Variants in C6 observed in about 807,000 individuals in gnomAD.
The protein encoded by C6 is complement component C6.
A neutral mutation model predicts 112.9 loss-of-function variants in C6; 101 were observed. The ratio of observed to expected loss-of-function variants is 0.89; its 90% confidence interval spans 0.76 to 1.06. The LOEUF is 1.06. C6 is among the 50% of genes least tolerant of loss of function. The pLI, the probability that C6 is intolerant of heterozygous loss-of-function variation, is 0.00. For missense variants in C6, 1,202 were observed against 1,104.6 expected (o/e 1.09, Z -1.25); for synonymous variants, 431 against 384.1 (o/e 1.12, Z -1.43).
At position 41,166,075 on chromosome 5, in the gene C6, A is replaced by G. The variant is rs142097636; in HGVS notation, c.1292-4216T>C. Among the ~76,000 whole-genome samples the G allele has an allele frequency of 2.3e-3, 351 of 152,256 alleles. 10 individuals carry two copies. Among genetic ancestry groups the G allele is most frequent in the Admixed American group, 0.02 (298 of 15,280 alleles). On this transcript the variant is annotated intron_variant, in intron 9 of 17. Transcript: ENST00000337836. ...TAGTATATCAGCTTCTTAAAAAACT[A>G]CAATGTTCTTTATAATTTTAAAAGC...
upstream of C6, among the ~76,000 whole-genome samples, chr5:41,214,067 C>G (rs1442575303): frequency 6.6e-6 from 1 of 151,960 alleles, no homozygotes; most frequent in Non-Finnish European, 1.5e-5. Flanking sequence ...TGCAATTTAA[C>G]TTTAGATTGA....
chr5:41,238,348 CCA>C (rs1561198522), intron 1 of C6, among the ~76,000 whole-genome samples: 2 of 150,120 alleles, frequency 1.3e-5, no homozygotes, highest in East Asian at 2.0e-4. Context: ...GCTACAGTAA[CCA>C]AAACAGCATG....
intron 5 of C6, among the ~76,000 whole-genome samples, chr5:41,191,225 C>T (rs774431225): frequency 6.6e-6 from 1 of 151,844 alleles, no homozygotes; most frequent in Non-Finnish European, 1.5e-5. Flanking sequence ...CACCACCACG[C>T]CTGGCTAATT....
chr5:41,213,710 T>C (rs1472652440), upstream of C6: 1 of 186,150 alleles, frequency 5.4e-6, no homozygotes, highest in African/African-American at 2.4e-5. Flanking sequence ...TGCATAGAAA[T>C]CTCTCTTTCC....
In C6 at chr5:41,149,363, A is replaced by G; in HGVS notation, c.2501T>C (p.Ile834Thr). 6.2e-7 allele frequency: 1 copy of G among 1,614,090 alleles called. No individual in the cohort carries two copies. The highest frequency in any genetic ancestry group is 8.5e-7 in the Non-Finnish European group (1 of 1,179,982). Residue 834 changes from isoleucine to threonine, a missense_variant, in exon 17 of 18, where the codon ATT (isoleucine) becomes ACT (threonine). Coordinates refer to ENST00000337836, the MANE Select transcript of C6 (RefSeq NM_000065.5). ...CTGGCGGCCGTCTTGGCAGGAACCA[A>G]TATGTAGAAAATGGAGTTGCTGATT... ...LNNQQLHFLH[I>T]GSCQDGRQLE... is the part of the protein sequence containing the mutation.
chr5:41,250,331 G>C (rs2004385), intron 1 of C6, among the ~76,000 whole-genome samples: 2 of 151,942 alleles, frequency 1.3e-5, no homozygotes, highest in Non-Finnish European at 2.9e-5. Flanking sequence ...TAAAATTACC[G>C]GCATGAGTTA....
chr5:41,193,947 G>A (rs1296347692), intron 5 of C6, among the ~76,000 whole-genome samples: 6 of 151,992 alleles, frequency 3.9e-5, no homozygotes, highest in African/African-American at 7.2e-5. Context: ...TGGTTGTCCC[G>A]AGCCGGCAGG....
chr5:41,161,839 C>T lies in C6; in HGVS notation c.1312G>A (p.Glu438Lys), dbSNP rs754230627. 7 of 1,613,474 alleles carry T rather than the reference C, an allele frequency of 4.3e-6. No homozygotes were observed. In the African/African-American group the frequency reaches 9.3e-5, roughly 22 times the overall value. ...KHEGSFIQGA[E>K]KSISLIRGGR... ...CCTCGAATCAGGGATATGGATTTCTCTGCTCCCTGTATAAATGAACCTGCA... is the reference window on the plus strand; with the variant it reads ...CCTCGAATCAGGGATATGGATTTCTTTGCTCCCTGTATAAATGAACCTGCA... Residue 438 changes from glutamate to lysine, a missense_variant, in exon 10 of 18, where the codon GAG becomes AAG. Coordinates refer to ENST00000337836, the MANE Select transcript of C6 (RefSeq NM_000065.5).
chr5:41,192,693 T>G (rs1750309196), intron 5 of C6, among the ~76,000 whole-genome samples: 1 of 152,192 alleles, frequency 6.6e-6, no homozygotes, highest in Admixed American at 6.5e-5. Context: ...TAATGATCAT[T>G]TGTATTTCTG....
chr5:41,142,775 T>A lies in C6; in HGVS notation c.*50A>T. 7.0e-7 allele frequency: 1 copy of A among 1,432,800 alleles called. No homozygotes were observed. Among genetic ancestry groups the A allele is most frequent in the Non-Finnish European group, 9.8e-7 (1 of 1,015,600 alleles). The allele number at this position is 1,432,800 out of a possible 1,614,324, so 88.8% of individuals were successfully genotyped here. A position where few individuals can be genotyped will look rare whatever the true frequency, so the allele number is the denominator to read the frequency against. On this transcript the variant is annotated 3_prime_UTR_variant, in exon 18 of 18. Transcript: ENST00000337836. ...AGAATTCTCATTTGTAGGAGTTGGT[T>A]CTTCGGGATGGTAAATCTGTTCATT...
chr5:41,222,094 A>T (rs1739206689), intron 1 of C6, among the ~76,000 whole-genome samples: 1 of 150,724 alleles, frequency 6.6e-6, no homozygotes, highest in Non-Finnish European at 1.5e-5. Context: ...TGAACCCGGG[A>T]GGCAGAGGTC....
rs2150209836 is a variant in C6 at position 41,142,802 on chromosome 5, T to G, written c.*23A>C. 1 of 1,589,770 alleles carries G rather than the reference T, an allele frequency of 6.3e-7. No homozygotes were observed. Among genetic ancestry groups the G allele is most frequent in the Non-Finnish European group, 8.6e-7 (1 of 1,158,112 alleles). On this transcript the variant is annotated 3_prime_UTR_variant, in exon 18 of 18. Coordinates refer to ENST00000337836, the MANE Select transcript of C6 (RefSeq NM_000065.5). ...TTCGGGATGGTAAATCTGTTCATTG[T>G]GCTGGGCCTAGCAGTAATTGTGCTA...
At chr5:41,227,869 T>C (rs1308185463) in intron 1 of C6, among the ~76,000 whole-genome samples, 1 of 152,168 alleles carries the variant, frequency 6.6e-6, no homozygotes, top group African/African-American at 2.4e-5. Context: ...TGAAATACTA[T>C]TACTTTGTAG....
In C6 at chr5:41,161,732, T is replaced by C. The variant is rs1349341140; in HGVS notation, c.1419A>G (p.Leu473=). The change falls in exon 10 of 18, where the codon TTA becomes TTG. Residue 473 remains leucine, a synonymous_variant. Transcript: ENST00000337836. ...GLEEKTFSEW[L]ESVKENPAVI... ...CAGCAGGATTTTCCTTCACTGATTCTAACCACTCAGAAAATGTCTTCTCCT... is the reference window on the plus strand; with the variant it reads ...CAGCAGGATTTTCCTTCACTGATTCCAACCACTCAGAAAATGTCTTCTCCT... 1.2e-6 allele frequency: 2 copies of C among 1,613,640 alleles called. No individual in the cohort carries two copies. The highest frequency in any genetic ancestry group is 1.7e-6 in the Non-Finnish European group (2 of 1,179,652).
Position 41,142,817 on chromosome 5 carries a change from T to C in C6, c.*8A>G, listed in dbSNP as rs777016927. 3 of 1,601,362 alleles carry C rather than the reference T, an allele frequency of 1.9e-6. No homozygotes were observed. The highest frequency in any genetic ancestry group is 2.6e-6 in the Non-Finnish European group (3 of 1,168,706). ...CTGTTCATTGTGCTGGGCCTAGCAG[T>C]AATTGTGCTAGGCCAAACACTTTCC... On this transcript the variant is annotated 3_prime_UTR_variant, in exon 18 of 18. Transcript: ENST00000337836.
At chr5:41,223,026 A>T (rs1170831745) in intron 1 of C6, among the ~76,000 whole-genome samples, 6 of 152,148 alleles carry the variant, frequency 3.9e-5, no homozygotes, top group African/African-American at 1.4e-4. Flanking sequence ...AAACCTTCCA[A>T]TTTGTTTTGA....
chr5:41,159,369 G>A, intron 11 of C6, 116 bp from the exon 12 acceptor site: 1 of 1,478,834 alleles, frequency 6.8e-7, no homozygotes, highest in African/African-American at 1.4e-5. Context: ...TGTGGGATAT[G>A]ATAGGGTTCT....
intron 17 of C6, among the ~76,000 whole-genome samples, chr5:41,143,895 G>A (rs1434883279): frequency 6.6e-6 from 1 of 152,118 alleles, no homozygotes; most frequent in Non-Finnish European, 1.5e-5. Context: ...TCATGAAATA[G>A]GTTTAAAACA....
intron 1 of C6, among the ~76,000 whole-genome samples, chr5:41,207,420 G>A (rs1376878108): frequency 6.6e-6 from 1 of 152,154 alleles, no homozygotes; most frequent in African/African-American, 2.4e-5. Flanking sequence ...CCAATTAAAA[G>A]ACATAGACTG....
Sources: gnomAD v4.1 joint callset for allele counts (sites outside exome capture counted in the v4.1 genomes callset) on GRCh38, gnomAD v4.1.1 for gene constraint, MANE v1.5 for transcripts, NCBI Gene and HGNC (gene_info 2026-07-23, HGNC 2026-07-21) for gene names.